SLC10A7: variants seen among roughly 807,000 people sequenced by gnomAD.
SLC10A7 encodes the protein sodium/bile acid cotransporter 7.
Under a neutral mutation model 43.2 loss-of-function variants are expected in SLC10A7, and 29 were observed. The observed-to-expected ratio is 0.67, with a 90% CI of 0.50 to 0.92. The LOEUF is 0.92. SLC10A7 is among the 40% of genes least tolerant of loss of function. The pLI, the probability that SLC10A7 is intolerant of heterozygous loss-of-function variation, is 0.00. For synonymous variants in SLC10A7, 152 were observed against 144.8 expected, an observed-to-expected ratio of 1.05 and a Z score of -0.35; for missense variants, 295 against 403.2, an observed-to-expected ratio of 0.73 and a Z score of 2.30.
intron 4 of SLC10A7, among the ~76,000 whole-genome samples, chr4:146,493,347 T>A (rs1374655589): frequency 6.6e-6 from 1 of 152,222 alleles, no homozygotes; most frequent in Non-Finnish European, 1.5e-5. Flanking sequence ...TTGCTAGTCA[T>A]CATACATGCA....
At chr4:146,480,659 A>G (rs909951264) in intron 4 of SLC10A7, among the ~76,000 whole-genome samples, 2 of 152,140 alleles carry the variant, frequency 1.3e-5, no homozygotes, top group African/African-American at 4.8e-5. Flanking sequence ...AAAAGCAATA[A>G]TTTAGTCACA....
intron 5 of SLC10A7, among the ~76,000 whole-genome samples, chr4:146,373,372 G>A (rs1236822267): frequency 6.6e-6 from 1 of 151,832 alleles, no homozygotes; most frequent in Non-Finnish European, 1.5e-5. Flanking sequence ...TACTCAAGTG[G>A]CTGAGGTGGG....
chr4:146,285,350 G>C (rs1236805579), intron 9 of SLC10A7, among the ~76,000 whole-genome samples: 2 of 152,212 alleles, frequency 1.3e-5, no homozygotes, highest in African/African-American at 4.8e-5. Flanking sequence ...ATGGTGGAAA[G>C]AGACATGGAG....
intron 5 of SLC10A7, among the ~76,000 whole-genome samples, chr4:146,402,894 A>G (rs1331865440): frequency 6.6e-6 from 1 of 152,210 alleles, no homozygotes; most frequent in Non-Finnish European, 1.5e-5. Flanking sequence ...GTAGTGGTTA[A>G]GAGCACAGCT....
chr4:146,354,725 A>G (rs1735437626), intron 5 of SLC10A7, among the ~76,000 whole-genome samples: 3 of 150,604 alleles, frequency 2.0e-5, no homozygotes, highest in Non-Finnish European at 4.4e-5. Flanking sequence ...GCCCTCAGAA[A>G]TAATGCCGCA....
chr4:146,420,850 T>C (rs1014646412), intron 5 of SLC10A7, among the ~76,000 whole-genome samples: 1 of 151,992 alleles, frequency 6.6e-6, no homozygotes, highest in African/African-American at 2.4e-5. Context: ...CATAGCAAGA[T>C]TCTGTCTCTA....
intron 9 of SLC10A7, among the ~76,000 whole-genome samples, chr4:146,286,743 G>T (rs1169542146): frequency 6.6e-6 from 1 of 151,684 alleles, no homozygotes; most frequent in East Asian, 2.0e-4. Context: ...GTGGTGAGAA[G>T]GACTGTGTTT....
intron 5 of SLC10A7, among the ~76,000 whole-genome samples, chr4:146,386,659 T>C (rs1465497616): frequency 6.6e-6 from 1 of 152,198 alleles, no homozygotes; most frequent in African/African-American, 2.4e-5. Flanking sequence ...TACTCTTTCT[T>C]TTTTTTGGAA....
At chr4:146,328,906 C>T (rs1733344110) in intron 5 of SLC10A7, among the ~76,000 whole-genome samples, 1 of 152,066 alleles carries the variant, frequency 6.6e-6, no homozygotes, top group East Asian at 1.9e-4. Context: ...TATGAAAAAG[C>T]AAGAAAACAT....
At chr4:146,309,571 A>G (rs1340767110) in intron 6 of SLC10A7, among the ~76,000 whole-genome samples, 2 of 152,106 alleles carry the variant, frequency 1.3e-5, no homozygotes, top group East Asian at 1.9e-4. Context: ...AATCTAGTAC[A>G]TAGGGTGTGC....
chr4:146,497,825 T>C (rs1736030134), intron 4 of SLC10A7, among the ~76,000 whole-genome samples: 1 of 152,226 alleles, frequency 6.6e-6, no homozygotes, highest in African/African-American at 2.4e-5. Flanking sequence ...ATCCCTGTGA[T>C]AGTTATTGTA....
At chr4:146,512,394 T>C (rs950535608) in intron 2 of SLC10A7, among the ~76,000 whole-genome samples, 4 of 152,232 alleles carry the variant, frequency 2.6e-5, no homozygotes, top group African/African-American at 9.6e-5. Context: ...ACTAGGAATT[T>C]ATCCTAAAGA....
At chr4:146,330,338 T>C (rs1253355801) in intron 5 of SLC10A7, among the ~76,000 whole-genome samples, 1 of 152,152 alleles carries the variant, frequency 6.6e-6, no homozygotes, top group East Asian at 1.9e-4. Flanking sequence ...ATAGAAAATG[T>C]TATCAAGAGG....
chr4:146,273,035 T>A (rs1467450338), intron 10 of SLC10A7, among the ~76,000 whole-genome samples: 1 of 152,112 alleles, frequency 6.6e-6, no homozygotes, highest in Non-Finnish European at 1.5e-5. Context: ...GTAAAATTAA[T>A]CTCTTTAGAG....
chr4:146,274,573 A>C (rs1390331026), intron 10 of SLC10A7, among the ~76,000 whole-genome samples: 1 of 152,164 alleles, frequency 6.6e-6, no homozygotes, highest in South Asian at 2.1e-4. Flanking sequence ...TAACCAGATT[A>C]ATACAAATGA....
chr4:146,418,631 A>G (rs1728742337), intron 5 of SLC10A7, among the ~76,000 whole-genome samples: 1 of 152,230 alleles, frequency 6.6e-6, no homozygotes, highest in Non-Finnish European at 1.5e-5. Flanking sequence ...AAACCAAAGC[A>G]AAGTGCATTT....
chr4:146,267,465 A>G (rs1421371054), intron 10 of SLC10A7, among the ~76,000 whole-genome samples: 1 of 152,206 alleles, frequency 6.6e-6, no homozygotes, highest in Non-Finnish European at 1.5e-5. Flanking sequence ...AAGATCACAG[A>G]TCACGTGACC....
intron 5 of SLC10A7, among the ~76,000 whole-genome samples, chr4:146,345,252 TA>T (rs1238845162): frequency 3.3e-5 from 5 of 152,146 alleles, no homozygotes; most frequent in Non-Finnish European, 7.4e-5. Flanking sequence ...TGCTCGTTTC[TA>T]AATTTAGCCT....
chr4:146,346,778 G>A (rs1044830342), intron 5 of SLC10A7, among the ~76,000 whole-genome samples: 4 of 151,878 alleles, frequency 2.6e-5, no homozygotes, highest in African/African-American at 7.3e-5. Context: ...CTATAAATTC[G>A]AACAATTTAT....
Sources: gnomAD v4.1 joint callset for allele counts (sites outside exome capture counted in the v4.1 genomes callset) on GRCh38, gnomAD v4.1.1 for gene constraint, MANE v1.5 for transcripts, NCBI Gene and HGNC (gene_info 2026-07-23, HGNC 2026-07-21) for gene names.